The following ARHGAP10 variants were observed in gnomAD, a reference collection of about 807,000 sequenced individuals.
ARHGAP10 encodes the protein Rho GTPase activating protein 10.
A neutral mutation model predicts 108.6 loss-of-function variants in ARHGAP10; 87 were observed. The ratio of observed to expected loss-of-function variants is 0.80; its 90% CI spans 0.67 to 0.96. ARHGAP10 has a LOEUF of 0.96. Among genes scored for constraint, ARHGAP10 ranks in the 40% least tolerant of loss-of-function variants. The pLI is 0.00. For synonymous variants in ARHGAP10, 347 were observed against 341.1 expected (o/e 1.02, Z -0.19); for missense variants, 939 against 954.5 (o/e 0.98, Z 0.21).
At chr4:147,977,387 C>T (rs888154362) in intron 18 of ARHGAP10, among the ~76,000 whole-genome samples, 19 of 152,176 alleles carry the variant, frequency 1.2e-4, no homozygotes, top group African/African-American at 4.6e-4. Context: ...GGTTTTTTGC[C>T]TTGAGCTAGT....
At chr4:147,742,574 C>T (rs1728726817) in intron 1 of ARHGAP10, among the ~76,000 whole-genome samples, 2 of 147,574 alleles carry the variant, frequency 1.4e-5, no homozygotes, top group African/African-American at 5.0e-5. Context: ...ACCTCTGCCT[C>T]CCGGGTTCAA....
intron 13 of ARHGAP10, 151 bp from the exon 14 acceptor site, chr4:147,939,674 G>GT: frequency 1.4e-6 from 1 of 694,030 alleles, no homozygotes. Flanking sequence ...AGTAAAACAA[G>GT]TTGTTAAACA....
chr4:147,949,640 T>C (rs11942547), intron 15 of ARHGAP10, among the ~76,000 whole-genome samples: 18,529 of 141,920 alleles, frequency 0.13, 2,183 homozygotes, highest in East Asian at 0.32. Flanking sequence ...AAGGAAAGAG[T>C]AGGTAAGGGA....
intron 1 of ARHGAP10, among the ~76,000 whole-genome samples, chr4:147,753,024 C>CT (rs1447797749): frequency 1.3e-5 from 2 of 152,208 alleles, no homozygotes; most frequent in African/African-American, 4.8e-5. Context: ...GAGGAGCCTG[C>CT]TACCCAGAAG....
chr4:148,061,540 A>T (rs1729620270), intron 20 of ARHGAP10, among the ~76,000 whole-genome samples: 1 of 152,086 alleles, frequency 6.6e-6, no homozygotes, highest in African/African-American at 2.4e-5. Flanking sequence ...TTGCCTTGGG[A>T]TAAAATAGAT....
chr4:147,805,501 A>G (rs535569687), intron 1 of ARHGAP10, among the ~76,000 whole-genome samples: 23 of 152,334 alleles, frequency 1.5e-4, no homozygotes, highest in Non-Finnish European at 2.4e-4. Context: ...TTCTAATTCT[A>G]TGAAGAATGT....
intron 13 of ARHGAP10, among the ~76,000 whole-genome samples, chr4:147,926,147 G>A (rs1441817809): frequency 6.6e-6 from 1 of 152,160 alleles, no homozygotes; most frequent in Non-Finnish European, 1.5e-5. Context: ...CCCAGGTGCT[G>A]TGCTGCATTG....
At chr4:147,780,110 A>T (rs1730468562) in intron 1 of ARHGAP10, among the ~76,000 whole-genome samples, 1 of 152,210 alleles carries the variant, frequency 6.6e-6, no homozygotes, top group African/African-American at 2.4e-5. Context: ...TTTCAAAGTA[A>T]TATGTGCTCA....
intron 10 of ARHGAP10, among the ~76,000 whole-genome samples, chr4:147,886,624 C>T (rs1366882393): frequency 6.6e-6 from 1 of 152,176 alleles, no homozygotes; most frequent in African/African-American, 2.4e-5. Context: ...TGCTTGTTTG[C>T]ACAATCCCAA....
chr4:147,795,789 G>A (rs996558843), intron 1 of ARHGAP10, among the ~76,000 whole-genome samples: 6 of 151,278 alleles, frequency 4.0e-5, no homozygotes, highest in Non-Finnish European at 7.4e-5. Flanking sequence ...CTGCCTCCCA[G>A]ATTCAAGCTA....
At chr4:147,940,944 A>C (rs1019106656) in intron 14 of ARHGAP10, among the ~76,000 whole-genome samples, 2 of 152,146 alleles carry the variant, frequency 1.3e-5, no homozygotes, top group African/African-American at 2.4e-5. Context: ...AGCTGTTTTC[A>C]TTTTCTGCCT....
At chr4:147,914,003 A>T (rs1270932655) in intron 13 of ARHGAP10, among the ~76,000 whole-genome samples, 1 of 152,066 alleles carries the variant, frequency 6.6e-6, no homozygotes, top group African/African-American at 2.4e-5. Flanking sequence ...AAATACAAAA[A>T]TTAGCTGGGT....
intron 13 of ARHGAP10, among the ~76,000 whole-genome samples, chr4:147,930,066 G>A (rs1737616863): frequency 6.6e-6 from 1 of 152,164 alleles, no homozygotes; most frequent in Non-Finnish European, 1.5e-5. Context: ...CAACACACGT[G>A]AGTGCAAATA....
chr4:147,881,475 T>G (rs1010289448), intron 9 of ARHGAP10, among the ~76,000 whole-genome samples: 13 of 152,146 alleles, frequency 8.5e-5, no homozygotes, highest in African/African-American at 3.1e-4. Flanking sequence ...CTGTTTCTAC[T>G]GAAAATACAA....
intron 5 of ARHGAP10, chr4:147,864,527 G>A (rs11943897): frequency 0.032 from 6,706 of 208,100 alleles, 329 homozygotes; most frequent in East Asian, 0.11. Context: ...AAGTCCCTTT[G>A]ATCTTCAGTT....
At chr4:147,968,398 C>A (rs547382504) in intron 18 of ARHGAP10, among the ~76,000 whole-genome samples, 1 of 152,196 alleles carries the variant, frequency 6.6e-6, no homozygotes, top group Non-Finnish European at 1.5e-5. Flanking sequence ...ACTTTTCAAT[C>A]TTCTTGGGAT....
At chr4:147,983,248 C>T (rs1235461252) in intron 18 of ARHGAP10, among the ~76,000 whole-genome samples, 2 of 149,048 alleles carry the variant, frequency 1.3e-5, no homozygotes, top group African/African-American at 2.5e-5. Context: ...TACAGTGGCA[C>T]GATCTCGGCT....
chr4:148,059,760 G>T (rs887136366), intron 20 of ARHGAP10, among the ~76,000 whole-genome samples: 4 of 152,120 alleles, frequency 2.6e-5, no homozygotes, highest in African/African-American at 9.7e-5. Flanking sequence ...CATCGTTTCC[G>T]GGATGCTGGC....
chr4:147,864,769 A>G (rs1392343007), intron 5 of ARHGAP10, 77 bp from the exon 6 acceptor site: 1 of 1,315,226 alleles, frequency 7.6e-7, no homozygotes, highest in Non-Finnish European at 1.1e-6. Context: ...CCCATGGACC[A>G]CAGTGTGATG....
Sources: gnomAD v4.1 joint callset for allele counts (sites outside exome capture counted in the v4.1 genomes callset) on GRCh38, gnomAD v4.1.1 for gene constraint, MANE v1.5 for transcripts, NCBI Gene and HGNC (gene_info 2026-07-23, HGNC 2026-07-21) for gene names.